XKR4: variants seen among roughly 807,000 people sequenced by gnomAD.
XKR4 encodes the protein XK-related protein 4.
A neutral mutation model predicts 53.9 loss-of-function variants in XKR4; 12 were observed. That is an observed-to-expected ratio of 0.22 (90% CI 0.14 to 0.36). The LOEUF is 0.36. XKR4 is among the 10% of genes least tolerant of loss of function. The pLI is 1.00. For missense variants in XKR4, 799 were observed against 859.5 expected (o/e 0.93, Z 0.88); for synonymous variants, 354 against 362.4 (o/e 0.98, Z 0.26).
intron 1 of XKR4, chr8:55,164,487 G>A (rs1486024433): frequency 2.2e-6 from 1 of 455,478 alleles, no homozygotes; most frequent in Admixed American, 2.4e-5. Context: ...CTCCACAGCT[G>A]CAAGCTCAAT....
intron 1 of XKR4, among the ~76,000 whole-genome samples, chr8:55,336,174 G>A (rs534629417): frequency 4.6e-5 from 7 of 152,114 alleles, no homozygotes; most frequent in African/African-American, 1.7e-4. Flanking sequence ...GGAGGAACCT[G>A]GTGAGAGGTG....
At position 55,532,292 on chromosome 8, in the gene XKR4, C is replaced by T. The variant is rs1422678940; in HGVS notation, c.*8065C>T. ...GCCACCATTACCACATTCCTTACTA[C>T]AATTATTGCTATTTTAGTCATTGGA... On this transcript the variant is annotated 3_prime_UTR_variant, in exon 3 of 3. Transcript: ENST00000327381. The T allele has an allele frequency of 6.6e-6, 1 of 152,144 alleles. No individual in the cohort carries two copies. Among genetic ancestry groups the T allele is most frequent in the Non-Finnish European group, 1.5e-5 (1 of 68,032 alleles). 9.4% of individuals were successfully genotyped at this position (152,144 alleles called of 1,614,324 possible).
chr8:55,245,145 G>T (rs1442633156), intron 1 of XKR4, among the ~76,000 whole-genome samples: 2 of 151,854 alleles, frequency 1.3e-5, no homozygotes, highest in East Asian at 3.9e-4. Context: ...GACCTCAGAT[G>T]ATCCACCCAC....
At chr8:55,483,121 G>T (rs1358184770) in intron 2 of XKR4, among the ~76,000 whole-genome samples, 1 of 152,026 alleles carries the variant, frequency 6.6e-6, no homozygotes, top group Non-Finnish European at 1.5e-5. Context: ...GTTCTGTATT[G>T]TTTGGGAAAA....
intron 2 of XKR4, among the ~76,000 whole-genome samples, chr8:55,458,695 C>A (rs975715812): frequency 2.0e-5 from 3 of 152,196 alleles, no homozygotes; most frequent in Admixed American, 1.3e-4. Context: ...TGTCCCCAGA[C>A]AAACTCTTCT....
At chr8:55,302,179 G>A (rs372389999) in intron 1 of XKR4, among the ~76,000 whole-genome samples, 2 of 152,142 alleles carry the variant, frequency 1.3e-5, no homozygotes, top group Non-Finnish European at 2.9e-5. Context: ...TGTATAAGGT[G>A]TAAGGAAGGG....
At chr8:55,247,774 A>G (rs1818303146) in intron 1 of XKR4, among the ~76,000 whole-genome samples, 1 of 151,942 alleles carries the variant, frequency 6.6e-6, no homozygotes, top group Non-Finnish European at 1.5e-5. Context: ...CCAGAGCCCT[A>G]CTGGGCTACT....
chr8:55,496,434 G>C (rs16921896), intron 2 of XKR4, among the ~76,000 whole-genome samples: 8,036 of 152,214 alleles, frequency 0.053, 603 homozygotes, highest in East Asian at 0.28. Flanking sequence ...CTTAAATTCT[G>C]ATTCTGTCCC....
At chr8:55,479,444 G>A (rs1806062587) in intron 2 of XKR4, among the ~76,000 whole-genome samples, 1 of 151,906 alleles carries the variant, frequency 6.6e-6, no homozygotes, top group Non-Finnish European at 1.5e-5. Context: ...ACAACAGAAA[G>A]CAGGAAAGAT....
chr8:55,264,137 G>A (rs1315622988), intron 1 of XKR4, among the ~76,000 whole-genome samples: 1 of 152,100 alleles, frequency 6.6e-6, no homozygotes, highest in African/African-American at 2.4e-5. Context: ...TGGACTCAGG[G>A]CCTTGGCACC....
intron 2 of XKR4, among the ~76,000 whole-genome samples, chr8:55,506,545 A>G (rs1393827454): frequency 6.6e-6 from 1 of 152,204 alleles, no homozygotes; most frequent in Non-Finnish European, 1.5e-5. Flanking sequence ...TCCACCTTGC[A>G]CCATCTTTGT....
chr8:55,392,195 T>C (rs1804453475), intron 2 of XKR4, among the ~76,000 whole-genome samples: 1 of 152,168 alleles, frequency 6.6e-6, no homozygotes, highest in South Asian at 2.1e-4. Flanking sequence ...CCAACTGCAA[T>C]GAACACACCA....
chr8:55,105,270 A>G (rs1816124663), intron 1 of XKR4, among the ~76,000 whole-genome samples: 1 of 152,078 alleles, frequency 6.6e-6, no homozygotes, highest in Non-Finnish European at 1.5e-5. Context: ...AATAATTAGG[A>G]AAAGATATGA....
At chr8:55,454,880 C>T (rs1054692261) in intron 2 of XKR4, 6 of 763,866 alleles carry the variant, frequency 7.9e-6, no homozygotes, top group Middle Eastern at 4.6e-4. Context: ...TAGCGCGTGT[C>T]GTTTCCTGCT....
chr8:55,394,493 G>T (rs1326447532), intron 2 of XKR4, among the ~76,000 whole-genome samples: 2 of 152,182 alleles, frequency 1.3e-5, no homozygotes, highest in Non-Finnish European at 2.9e-5. Flanking sequence ...TATTTAATAA[G>T]ACATGGTTTT....
At chr8:55,124,120 T>G (rs1432113300) in intron 1 of XKR4, among the ~76,000 whole-genome samples, 1 of 152,178 alleles carries the variant, frequency 6.6e-6, no homozygotes, top group Non-Finnish European at 1.5e-5. Context: ...CCATGCAGAT[T>G]TACAAATGCC....
chr8:55,410,006 GTCTGAC>G lies in XKR4; in HGVS notation c.1006+52131_1006+52136del, dbSNP rs533120686. ...CTGTCTGAAATAAATTGTGAGAACA[GTCTGAC>G]TGGAGCAGGGAGATGATGGAGAATT... On this transcript the variant is annotated intron_variant, in intron 2 of 2. Transcript: ENST00000327381. 5.7e-3 allele frequency among the ~76,000 whole-genome samples: 874 copies of G among 152,214 alleles called. 2 individuals carry two copies. The highest frequency in any genetic ancestry group is 0.01 in the Middle Eastern group (3 of 294).
intron 2 of XKR4, among the ~76,000 whole-genome samples, chr8:55,481,500 T>A (rs1403225661): frequency 6.6e-6 from 1 of 152,048 alleles, no homozygotes; most frequent in African/African-American, 2.4e-5. Context: ...GGACTTCATG[T>A]CTAAAACATC....
At chr8:55,376,536 G>A (rs1804154213) in intron 2 of XKR4, among the ~76,000 whole-genome samples, 1 of 152,012 alleles carries the variant, frequency 6.6e-6, no homozygotes, top group African/African-American at 2.4e-5. Flanking sequence ...TTTGAGAAGT[G>A]TCTGTTCATG....
Sources: allele counts gnomAD v4.1 joint callset (sites outside exome capture counted in the v4.1 genomes callset), GRCh38; gene constraint gnomAD v4.1.1; transcripts MANE v1.5; gene names NCBI Gene and HGNC (gene_info 2026-07-23, HGNC 2026-07-21).